The following NEGR1 variants were observed in gnomAD, a reference collection of about 807,000 sequenced individuals.
The protein encoded by NEGR1 is IgLON family member 4.
A neutral mutation model predicts 40.9 loss-of-function variants in NEGR1; 10 were observed. That is an observed-to-expected ratio of 0.24 (90% CI 0.15 to 0.42). The LOEUF is 0.42. Ranked by LOEUF, NEGR1 falls within the 10% of genes least tolerant of loss-of-function variation. NEGR1 has a pLI of 1.00. For synonymous variants in NEGR1, 185 were observed against 166.8 expected, an observed-to-expected ratio of 1.11 and a Z score of -0.84; for missense variants, 352 against 438.9, an observed-to-expected ratio of 0.80 and a Z score of 1.77.
At chr1:71,936,561 T>C (rs1166080795) in intron 1 of NEGR1, among the ~76,000 whole-genome samples, 4 of 152,200 alleles carry the variant, frequency 2.6e-5, no homozygotes, top group African/African-American at 9.6e-5. Flanking sequence ...TTGTAAGATA[T>C]GGCATTCTAG....
At chr1:71,487,721 C>T (rs955262932) in intron 6 of NEGR1, among the ~76,000 whole-genome samples, 1 of 149,716 alleles carries the variant, frequency 6.7e-6, no homozygotes, top group South Asian at 2.1e-4. Flanking sequence ...ATGAAGCATA[C>T]AAACCCTAGC....
intron 3 of NEGR1, among the ~76,000 whole-genome samples, chr1:71,728,720 T>C (rs1654757190): frequency 6.6e-6 from 1 of 152,160 alleles, no homozygotes; most frequent in African/African-American, 2.4e-5. Context: ...CTCTCAGAGT[T>C]TTTAGCACTA....
At chr1:71,742,902 G>T (rs534957294) in intron 3 of NEGR1, among the ~76,000 whole-genome samples, 2 of 152,320 alleles carry the variant, frequency 1.3e-5, no homozygotes, top group Admixed American at 6.5e-5. Flanking sequence ...AAATTCAGAT[G>T]TTGAAGCCCT....
In NEGR1 at chr1:72,028,896, C is replaced by T. The variant is rs192530619; in HGVS notation, c.177-93585G>A. On this transcript the variant is annotated intron_variant, in intron 1 of 6. Coordinates refer to ENST00000357731, the MANE Select transcript of NEGR1 (RefSeq NM_173808.3). The stretch of plus-strand genomic sequence containing the variant: ...TAAGAACCATGTCTTATATCCCTAA[C>T]TCAGGGCTTGATGCTCAATATACTG... 8.4e-4 allele frequency among the ~76,000 whole-genome samples: 128 copies of T among 152,268 alleles called. 2 individuals are homozygous for T. Among genetic ancestry groups the T allele is most frequent in the East Asian group, 4.6e-3 (24 of 5,180 alleles).
intron 6 of NEGR1, among the ~76,000 whole-genome samples, chr1:71,542,713 A>C (rs954362770): frequency 1.3e-5 from 2 of 151,786 alleles, no homozygotes; most frequent in African/African-American, 4.8e-5. Flanking sequence ...ATGACAAATC[A>C]GCAAGAGCCA....
intron 3 of NEGR1, among the ~76,000 whole-genome samples, chr1:71,739,603 T>C (rs538646446): frequency 1.3e-4 from 20 of 152,092 alleles, no homozygotes; most frequent in Non-Finnish European, 2.4e-4. Context: ...CTGTGTGCAA[T>C]TGCACATTTA....
chr1:71,593,112 A>G (rs1649563791), intron 5 of NEGR1, 144 bp from the exon 6 acceptor site: 1 of 539,726 alleles, frequency 1.9e-6, no homozygotes. Context: ...TGCAATTTAC[A>G]TTTCACTTAC....
chr1:72,174,759 A>C (rs79908654), intron 1 of NEGR1, among the ~76,000 whole-genome samples: 19,621 of 151,944 alleles, frequency 0.13, 1,664 homozygotes, highest in Non-Finnish European at 0.19. Flanking sequence ...TATAAAATTA[A>C]AAAAAATTTA....
At chr1:72,180,225 C>T (rs887107493) in intron 1 of NEGR1, among the ~76,000 whole-genome samples, 1 of 151,732 alleles carries the variant, frequency 6.6e-6, no homozygotes, top group Non-Finnish European at 1.5e-5. Flanking sequence ...CAAATCTAAA[C>T]CTAGATAGTT....
At chr1:72,087,439 A>AAAAAT (rs1553138420) in intron 1 of NEGR1, among the ~76,000 whole-genome samples, 7 of 149,512 alleles carry the variant, frequency 4.7e-5, no homozygotes, top group African/African-American at 1.7e-4. Context: ...TCAAAAAAAA[A>AAAAAT]ATATATATAT....
At chr1:72,134,031 C>A (rs1261684319) in intron 1 of NEGR1, among the ~76,000 whole-genome samples, 1 of 151,704 alleles carries the variant, frequency 6.6e-6, no homozygotes, top group African/African-American at 2.4e-5. Flanking sequence ...TGGTATTTAG[C>A]ACTTTAAGTA....
intron 1 of NEGR1, among the ~76,000 whole-genome samples, chr1:72,193,242 A>G (rs536233493): frequency 6.6e-6 from 1 of 151,988 alleles, no homozygotes; most frequent in South Asian, 2.1e-4. Flanking sequence ...GAAAAGCAAA[A>G]CAAGTGTTTC....
intron 1 of NEGR1, among the ~76,000 whole-genome samples, chr1:72,058,008 C>T (rs1366718763): frequency 6.6e-6 from 1 of 151,448 alleles, no homozygotes; most frequent in African/African-American, 2.4e-5. Flanking sequence ...CCCTGGCGCA[C>T]CCTCTGATTT....
intron 6 of NEGR1, among the ~76,000 whole-genome samples, chr1:71,460,953 C>T (rs1014427831): frequency 1.3e-5 from 2 of 151,938 alleles, no homozygotes; most frequent in Admixed American, 1.3e-4. Flanking sequence ...AAACTTATCC[C>T]ACATCATTGC....
chr1:71,636,688 C>G (rs116051673), intron 4 of NEGR1, among the ~76,000 whole-genome samples: 4,192 of 152,136 alleles, frequency 0.028, 161 homozygotes, highest in African/African-American at 0.089. Context: ...AATGTCTGTA[C>G]TATTGTGGAG....
At chr1:71,935,340 T>G in intron 1 of NEGR1, 29 bp from the exon 2 acceptor site, 11 of 1,412,816 alleles carry the variant, frequency 7.8e-6, no homozygotes, top group Non-Finnish European at 1.1e-5. Context: ...ACAACACTAT[T>G]AATCAAAATA....
At chr1:71,519,570 G>A (rs1360619936) in intron 6 of NEGR1, among the ~76,000 whole-genome samples, 9 of 105,426 alleles carry the variant, frequency 8.5e-5, no homozygotes. Context: ...CACACTCTGG[G>A]GACTGTGGTG....
chr1:72,188,771 C>T (rs1358873696), intron 1 of NEGR1, among the ~76,000 whole-genome samples: 2 of 151,478 alleles, frequency 1.3e-5, no homozygotes, highest in African/African-American at 4.8e-5. Flanking sequence ...TTCTACACTA[C>T]TACTGTTCTA....
chr1:71,741,703 A>G (rs1166182624), intron 3 of NEGR1, among the ~76,000 whole-genome samples: 5 of 152,322 alleles, frequency 3.3e-5, no homozygotes, highest in Non-Finnish European at 7.4e-5. Context: ...TTTATAAAGA[A>G]AGGAGGTTTA....
Sources: gnomAD v4.1 joint callset for allele counts (sites outside exome capture counted in the v4.1 genomes callset) on GRCh38, gnomAD v4.1.1 for gene constraint, MANE v1.5 for transcripts, NCBI Gene and HGNC (gene_info 2026-07-23, HGNC 2026-07-21) for gene names.